The following PTTG1IP2 variants were observed in gnomAD, a reference collection of about 807,000 sequenced individuals.
PTTG1IP2 encodes the protein PTTG1IP family member 2.
chr7:90,486,186 G>A (rs1797873094), intron 2 of PTTG1IP2, among the ~76,000 whole-genome samples: 1 of 152,108 alleles, frequency 6.6e-6, no homozygotes, highest in Non-Finnish European at 1.5e-5. Flanking sequence ...ATTGGGTGGG[G>A]TCTGGGTTCA....
At chr7:90,498,971 C>G (rs940747232) in intron 6 of PTTG1IP2, among the ~76,000 whole-genome samples, 9 of 152,118 alleles carry the variant, frequency 5.9e-5, no homozygotes, top group African/African-American at 2.2e-4. Context: ...CTGGCCTAAG[C>G]CTCTCAAGTA....
chr7:90,509,654 C>A (rs565833770), intron 6 of PTTG1IP2, among the ~76,000 whole-genome samples: 1 of 152,054 alleles, frequency 6.6e-6, no homozygotes, highest in African/African-American at 2.4e-5. Flanking sequence ...AAACATGAAG[C>A]CAGGGGTGTG....
intron 6 of PTTG1IP2, among the ~76,000 whole-genome samples, chr7:90,505,870 G>A (rs1309389775): frequency 6.6e-6 from 1 of 151,830 alleles, no homozygotes; most frequent in Non-Finnish European, 1.5e-5. Context: ...TGTAGTCCCA[G>A]CTACTCGGGA....
At chr7:90,510,295 A>G (rs1798172600) in intron 6 of PTTG1IP2, among the ~76,000 whole-genome samples, 1 of 152,196 alleles carries the variant, frequency 6.6e-6, no homozygotes, top group Non-Finnish European at 1.5e-5. Context: ...CGAAAAGAAA[A>G]AACAAAAGAA....
In PTTG1IP2 at chr7:90,486,039, A is replaced by T. The variant is rs1797871321; in HGVS notation, c.193-1288A>T. Among the ~76,000 whole-genome samples the T allele has an allele frequency of 2.0e-5, 3 of 152,122 alleles. No individual in the cohort carries two copies. In the South Asian group the frequency reaches 6.2e-4, roughly 32 times the overall value. ...AGATTTGACTGAATGGCTTGATTTGACCGTTAATCTTGTCCAGTGTGAAAC... is the reference window on the plus strand; with the variant it reads ...AGATTTGACTGAATGGCTTGATTTGTCCGTTAATCTTGTCCAGTGTGAAAC... On this transcript the variant is annotated intron_variant, in intron 2 of 6. Coordinates refer to ENST00000509356, the MANE Select transcript of PTTG1IP2 (RefSeq NM_001365443.2).
intron 1 of PTTG1IP2, among the ~76,000 whole-genome samples, chr7:90,473,684 C>T (rs1425453914): frequency 6.6e-6 from 1 of 152,110 alleles, no homozygotes; most frequent in African/African-American, 2.4e-5. Context: ...TGATGCCTTC[C>T]TTTAGTCCAC....
At chr7:90,488,070 G>C (rs1797896589) in intron 3 of PTTG1IP2, among the ~76,000 whole-genome samples, 1 of 152,032 alleles carries the variant, frequency 6.6e-6, no homozygotes, top group Non-Finnish European at 1.5e-5. Flanking sequence ...TACTTACCAA[G>C]GCAGGAAAAC....
intron 1 of PTTG1IP2, among the ~76,000 whole-genome samples, chr7:90,477,143 A>T (rs1347783704): frequency 6.6e-6 from 1 of 152,220 alleles, no homozygotes; most frequent in Non-Finnish European, 1.5e-5. Context: ...ATGATACAGA[A>T]GTCACGAAAA....
At chr7:90,501,833 T>G (rs917791966) in intron 6 of PTTG1IP2, among the ~76,000 whole-genome samples, 2 of 152,224 alleles carry the variant, frequency 1.3e-5, no homozygotes, top group Admixed American at 1.3e-4. Context: ...CAATGAGGTT[T>G]GCCACATGAT....
intron 6 of PTTG1IP2, among the ~76,000 whole-genome samples, chr7:90,510,693 T>C (rs1301085564): frequency 6.6e-6 from 1 of 152,218 alleles, no homozygotes; most frequent in African/African-American, 2.4e-5. Context: ...TCAAGAACTT[T>C]TATTATAGAA....
Position 90,487,382 on chromosome 7 carries a change from G to A in PTTG1IP2, c.248G>A (p.Gly83Asp), listed in dbSNP as rs978055166. Residue 83 changes from glycine (G) to aspartate (D), a missense_variant, in exon 3 of 7, where the codon GGT (glycine) becomes GAT (aspartate). By Grantham distance (94) the Gly-to-Asp change is moderately conservative. Transcript: ENST00000509356. ...ACKKYCFPYF[G>D]CRFSSIYWLN... ...AAAAAATACTGTTTTCCCTATTTCGGTTGTCGATTCAGTTCTATATATTGG... is the reference window on the plus strand; with the variant it reads ...AAAAAATACTGTTTTCCCTATTTCGATTGTCGATTCAGTTCTATATATTGG... 5 of 152,510 alleles carry A rather than the reference G, an allele frequency of 3.3e-5. No homozygotes were observed. The highest frequency in any genetic ancestry group is 9.7e-5 in the African/African-American group (4 of 41,394). The allele number at this position is 152,510 out of a possible 1,614,324, so 9.4% of individuals were successfully genotyped here.
chr7:90,481,478 A>G lies in PTTG1IP2; in HGVS notation c.192+2204A>G, dbSNP rs529337340. 1.3e-4 allele frequency among the ~76,000 whole-genome samples: 20 copies of G among 152,266 alleles called. 1 individual carries two copies. The East Asian group carries it at 3.7e-3, about 28-fold the overall frequency. On this transcript the variant is annotated intron_variant, in intron 2 of 6. Transcript: ENST00000509356. Reference sequence around the variant, plus strand: ...TACTACCTATCACTTGCTTTTGGTTAGCAATATTGCCTAAAATTTCCCACA... The same window carrying G: ...TACTACCTATCACTTGCTTTTGGTTGGCAATATTGCCTAAAATTTCCCACA...
At chr7:90,497,908 T>C (rs1405173332) in intron 6 of PTTG1IP2, among the ~76,000 whole-genome samples, 4 of 152,072 alleles carry the variant, frequency 2.6e-5, no homozygotes, top group Non-Finnish European at 5.9e-5. Context: ...GAGTGGGTTA[T>C]TGAAGTCCCC....
At chr7:90,509,048 G>A (rs1271907216) in intron 6 of PTTG1IP2, among the ~76,000 whole-genome samples, 3 of 152,026 alleles carry the variant, frequency 2.0e-5, no homozygotes, top group African/African-American at 7.2e-5. Context: ...TCTCCACATA[G>A]GGATATGAAC....
chr7:90,472,092 A>G (rs909404556), intron 1 of PTTG1IP2, among the ~76,000 whole-genome samples: 3 of 151,960 alleles, frequency 2.0e-5, no homozygotes, highest in Non-Finnish European at 4.4e-5. Flanking sequence ...ATGCCATAAA[A>G]CTGTAGCTTC....
chr7:90,471,571 C>CA (rs1267821949), intron 1 of PTTG1IP2, among the ~76,000 whole-genome samples: 10 of 151,976 alleles, frequency 6.6e-5, no homozygotes, highest in African/African-American at 2.4e-4. Context: ...GGGCATAGTG[C>CA]AAAAAATAAG....
chr7:90,509,070 G>T (rs2116132292), intron 6 of PTTG1IP2, among the ~76,000 whole-genome samples: 1 of 151,096 alleles, frequency 6.6e-6, no homozygotes, highest in East Asian at 1.9e-4. Context: ...TTATTTTAAA[G>T]ATGACATGGA....
At chr7:90,479,917 T>C (rs1288973247) in intron 2 of PTTG1IP2, among the ~76,000 whole-genome samples, 1 of 152,238 alleles carries the variant, frequency 6.6e-6, no homozygotes, top group East Asian at 1.9e-4. Context: ...GTGTCTCTCA[T>C]AGTGATCTAG....
At chr7:90,499,075 C>T (rs1344014979) in intron 6 of PTTG1IP2, among the ~76,000 whole-genome samples, 1 of 152,130 alleles carries the variant, frequency 6.6e-6, no homozygotes, top group Admixed American at 6.5e-5. Context: ...TGGTCTCGAA[C>T]CCCTGGGCTC....
Sources: gnomAD v4.1 joint callset for allele counts (sites outside exome capture counted in the v4.1 genomes callset) on GRCh38, gnomAD v4.1.1 for gene constraint, MANE v1.5 for transcripts, NCBI Gene and HGNC (gene_info 2026-07-23, HGNC 2026-07-21) for gene names.